Variants in TACC2 observed in about 807,000 individuals in gnomAD.
TACC2 encodes transforming acidic coiled-coil containing protein 2, also known as transforming acidic coiled-coil-containing protein 2.
TACC2 carries 137 observed loss-of-function variants against 227.3 expected under a neutral mutation model. The ratio of observed to expected loss-of-function variants is 0.60; its 90% CI spans 0.52 to 0.69. The LOEUF (loss-of-function observed/expected upper bound fraction) is 0.69, where lower values mean the gene tolerates loss of function less well. TACC2 is among the 30% of genes least tolerant of loss of function. The probability of loss-of-function intolerance (pLI) is 0.00; values close to 1 mark genes in which losing one functional copy is unlikely to be tolerated. For synonymous variants in TACC2, 1,523 were observed against 1,487.5 expected (o/e 1.02, Z -0.55); for missense variants, 3,470 against 3,694.4 (o/e 0.94, Z 1.57).
At chr10:122,041,284 TCAGC>T (rs749716593) in intron 2 of TACC2, among the ~76,000 whole-genome samples, 1 of 151,748 alleles carries the variant, frequency 6.6e-6, no homozygotes, top group Admixed American at 6.6e-5. Flanking sequence ...ACAGCAACAC[TCAGC>T]CAGTGCAGGA....
intron 1 of TACC2, among the ~76,000 whole-genome samples, chr10:122,019,546 C>G (rs1356801544): frequency 6.6e-6 from 1 of 152,188 alleles, no homozygotes; most frequent in Non-Finnish European, 1.5e-5. Flanking sequence ...TGGCAGGGGC[C>G]GCTTTAGTTT....
At chr10:122,073,126 A>ATAT (rs1554995816) in intron 3 of TACC2, among the ~76,000 whole-genome samples, 4 of 71,006 alleles carry the variant, frequency 5.6e-5, no homozygotes, top group East Asian at 3.7e-4. Flanking sequence ...AAAAAAAAAA[A>ATAT]ATATATATAT....
chr10:122,049,245 A>C (rs537740563), intron 2 of TACC2, among the ~76,000 whole-genome samples: 1 of 152,228 alleles, frequency 6.6e-6, no homozygotes, highest in African/African-American at 2.4e-5. Flanking sequence ...CCTTGGCCCC[A>C]GCAGGGCTGC....
chr10:122,248,257 T>G (rs2096172975), intron 19 of TACC2: 2 of 197,250 alleles, frequency 1.0e-5, no homozygotes, highest in Non-Finnish European at 2.1e-5. Flanking sequence ...CACCCTTTAA[T>G]CGTCCCAACG....
At chr10:122,187,428 A>G (rs1406148968) in intron 7 of TACC2, among the ~76,000 whole-genome samples, 1 of 152,188 alleles carries the variant, frequency 6.6e-6, no homozygotes, top group Non-Finnish European at 1.5e-5. Context: ...AGCTTTGACC[A>G]AGTAAAATAG....
At chr10:121,993,875 T>A (rs900307095) in intron 1 of TACC2, among the ~76,000 whole-genome samples, 1 of 152,134 alleles carries the variant, frequency 6.6e-6, no homozygotes, top group Non-Finnish European at 1.5e-5. Context: ...CTCAAGTGAT[T>A]TGCCCTCTTT....
chr10:122,041,397 A>C (rs189149281), intron 2 of TACC2, among the ~76,000 whole-genome samples: 23 of 152,026 alleles, frequency 1.5e-4, no homozygotes, highest in African/African-American at 5.5e-4. Context: ...CAAGTTAAGC[A>C]GCAAGAATTA....
intron 5 of TACC2, among the ~76,000 whole-genome samples, chr10:122,098,890 G>A (rs556421532): frequency 7.5e-4 from 114 of 152,276 alleles, no homozygotes; most frequent in African/African-American, 2.7e-3. Flanking sequence ...TCTCCGTGTT[G>A]CAATATTGTA....
At chr10:122,163,760 C>T (rs1387091178) in intron 7 of TACC2, 1 of 1,207,976 alleles carries the variant, frequency 8.3e-7, no homozygotes, top group Non-Finnish European at 1.0e-6. Context: ...CCGCGAGTCG[C>T]AGCTCCCTGC....
intron 7 of TACC2, among the ~76,000 whole-genome samples, chr10:122,161,471 A>G (rs1049648294): frequency 2.0e-5 from 3 of 152,228 alleles, no homozygotes; most frequent in African/African-American, 7.2e-5. Flanking sequence ...ACTTTTTCCA[A>G]TGCCCTTGCA....
chr10:122,013,120 C>T (rs572320037), intron 1 of TACC2, among the ~76,000 whole-genome samples: 1 of 152,146 alleles, frequency 6.6e-6, no homozygotes, highest in South Asian at 2.1e-4. Context: ...ATATGTCAGT[C>T]CTGTGTCTGA....
chr10:122,135,861 G>A lies in TACC2; in HGVS notation c.5699+3127G>A, dbSNP rs565146236. ...CACTGCAAACAAGTGTCCTTACGTGGCATAGTTAGTTCAACTGTTGTGCTT... is the reference window on the plus strand; with the variant it reads ...CACTGCAAACAAGTGTCCTTACGTGACATAGTTAGTTCAACTGTTGTGCTT... On this transcript the variant is annotated intron_variant, in intron 6 of 22. Coordinates refer to ENST00000369005, the MANE Select transcript of TACC2 (RefSeq NM_206862.4). Among the ~76,000 whole-genome samples the A allele has an allele frequency of 5.3e-5, 8 of 152,296 alleles. No homozygotes were observed. In the East Asian group the frequency reaches 1.5e-3, roughly 29 times the overall value.
chr10:122,176,941 G>C (rs1042921095), intron 7 of TACC2, among the ~76,000 whole-genome samples: 3 of 152,188 alleles, frequency 2.0e-5, no homozygotes, highest in African/African-American at 7.2e-5. Context: ...GTGGAGACAA[G>C]TTATGGAAGA....
At position 122,084,614 on chromosome 10, in the gene TACC2, A is replaced by C; in HGVS notation, c.2114A>C (p.Glu705Ala). 6.2e-7 allele frequency: 1 copy of C among 1,613,834 alleles called. No individual in the cohort carries two copies. The highest frequency in any genetic ancestry group is 8.5e-7 in the Non-Finnish European group (1 of 1,180,038). Residue 705 changes from glutamate (E) to alanine (A), a missense_variant, in exon 4 of 23, where the codon GAA becomes GCA. Glu to Ala is a moderately radical substitution (Grantham distance 107). Transcript: ENST00000369005. ...PKCPDTLQSR[E>A]GLGRMESFLT... The stretch of plus-strand genomic sequence containing the variant: ...TGTCCTGACACCCTTCAGAGCAGGG[A>C]AGGATTGGGAAGAATGGAGTCTTTC...
At chr10:122,195,863 C>G (rs2094550633) in intron 8 of TACC2, among the ~76,000 whole-genome samples, 1 of 152,202 alleles carries the variant, frequency 6.6e-6, no homozygotes, top group African/African-American at 2.4e-5. Flanking sequence ...CAGAAATGGT[C>G]CCACAGGCTG....
intron 9 of TACC2, among the ~76,000 whole-genome samples, chr10:122,214,845 A>G (rs900471321): frequency 6.6e-6 from 1 of 152,144 alleles, no homozygotes; most frequent in Non-Finnish European, 1.5e-5. Context: ...TTCCACCTAG[A>G]AGCCTTCAGA....
In TACC2 at chr10:122,084,679, C is replaced by G. The variant is rs2079901176; in HGVS notation, c.2179C>G (p.Pro727Ala). 1.2e-6 allele frequency: 2 copies of G among 1,613,618 alleles called. No individual in the cohort carries two copies. ...ESEKSDFPPT[P>A]VAEVAPKAQE... ...AGAGAAATCAGATTTTCCACCAACT[C>G]CTGTTGCAGAGGTTGCACCCAAAGC... is the stretch of plus-strand genomic sequence containing the variant. The change falls in exon 4 of 23, where the codon CCT becomes GCT. Residue 727 changes from proline (P) to alanine (A), a missense_variant. Transcript: ENST00000369005.
At chr10:122,251,774 C>T (rs377635809) in intron 22 of TACC2, among the ~76,000 whole-genome samples, 1 of 152,190 alleles carries the variant, frequency 6.6e-6, no homozygotes, top group African/African-American at 2.4e-5. Context: ...GTTGAACATA[C>T]AATGTTTCTT....
chr10:122,231,733 C>T (rs898237824), intron 16 of TACC2, among the ~76,000 whole-genome samples: 3 of 152,136 alleles, frequency 2.0e-5, no homozygotes, highest in Non-Finnish European at 2.9e-5. Context: ...TCCAGCTACT[C>T]GGGAGACTGA....
Sources: gnomAD v4.1 joint callset for allele counts (sites outside exome capture counted in the v4.1 genomes callset) on GRCh38, gnomAD v4.1.1 for gene constraint, MANE v1.5 for transcripts, NCBI Gene and HGNC (gene_info 2026-07-23, HGNC 2026-07-21) for gene names.